PKIB: variants seen among roughly 807,000 people sequenced by gnomAD.
PKIB encodes the protein cAMP-dependent protein kinase inhibitor beta, also known as PKI-beta.
PKIB carries 2 observed loss-of-function variants against 4.5 expected under a neutral mutation model. The ratio of observed to expected loss-of-function variants is 0.44; its 90% CI spans 0.18 to 1.39. The LOEUF (loss-of-function observed/expected upper bound fraction) is 1.39. PKIB is among the 40% of genes most tolerant of loss of function. PKIB has a pLI of 0.27. For synonymous variants in PKIB, 38 were observed against 36.0 expected, an observed-to-expected ratio of 1.06 and a Z score of -0.20; for missense variants, 94 against 92.6, an observed-to-expected ratio of 1.02 and a Z score of -0.06.
chr6:122,572,533 CAA>C (rs1257428970), intron 2 of PKIB, among the ~76,000 whole-genome samples: 1 of 147,068 alleles, frequency 6.8e-6, no homozygotes, highest in Non-Finnish European at 1.5e-5. Context: ...TCTGAAACAG[CAA>C]AAATAGACAA....
intron 2 of PKIB, among the ~76,000 whole-genome samples, chr6:122,661,269 A>G (rs1431435423): frequency 6.6e-6 from 1 of 152,156 alleles, no homozygotes; most frequent in African/African-American, 2.4e-5. Flanking sequence ...ATATTCACGC[A>G]CTGTCATGTC....
chr6:122,506,998 G>C (rs1415291602), intron 2 of PKIB, among the ~76,000 whole-genome samples: 2 of 152,060 alleles, frequency 1.3e-5, no homozygotes, highest in African/African-American at 4.8e-5. Context: ...ACCGCGCCCG[G>C]CCGTAATTTT....
intron 1 of PKIB, among the ~76,000 whole-genome samples, chr6:122,632,953 T>C (rs1167437217): frequency 1.3e-5 from 2 of 152,232 alleles, no homozygotes; most frequent in Admixed American, 1.3e-4. Flanking sequence ...TACACAGTTT[T>C]AGAGCAAAAC....
intron 1 of PKIB, among the ~76,000 whole-genome samples, chr6:122,622,820 T>C (rs1775294211): frequency 6.7e-6 from 1 of 149,480 alleles, no homozygotes; most frequent in East Asian, 1.9e-4. Context: ...AGATAACTTA[T>C]GTTCTCTGAA....
intron 1 of PKIB, among the ~76,000 whole-genome samples, chr6:122,476,306 T>C (rs1330705177): frequency 6.6e-6 from 1 of 152,162 alleles, no homozygotes; most frequent in Non-Finnish European, 1.5e-5. Flanking sequence ...AAGCCAAAAA[T>C]AGATTAGGAC....
At chr6:122,550,185 G>C (rs1291347130) in intron 2 of PKIB, among the ~76,000 whole-genome samples, 1 of 152,062 alleles carries the variant, frequency 6.6e-6, no homozygotes, top group Non-Finnish European at 1.5e-5. Context: ...AGAGTGCTAG[G>C]ATTACAGACG....
At chr6:122,642,626 T>A (rs1562282094) in intron 2 of PKIB, among the ~76,000 whole-genome samples, 1 of 152,208 alleles carries the variant, frequency 6.6e-6, no homozygotes, top group Non-Finnish European at 1.5e-5. Context: ...AAATAAGGTG[T>A]CACTGGTGAT....
At chr6:122,596,025 G>C (rs1473990269) in intron 3 of PKIB, among the ~76,000 whole-genome samples, 3 of 152,096 alleles carry the variant, frequency 2.0e-5, no homozygotes, top group Non-Finnish European at 4.4e-5. Flanking sequence ...TTCCAATCAC[G>C]CTTCTTTCAA....
chr6:122,637,425 ATTTTTGTG>A (rs1267441554), intron 2 of PKIB, among the ~76,000 whole-genome samples: 1 of 152,170 alleles, frequency 6.6e-6, no homozygotes, highest in Middle Eastern at 3.2e-3. Context: ...CATCACAGAA[ATTTTTGTG>A]TGAAGAATAC....
intron 2 of PKIB, among the ~76,000 whole-genome samples, chr6:122,563,378 A>C (rs72962455): frequency 0.19 from 29,177 of 151,858 alleles, 3,009 homozygotes; most frequent in African/African-American, 0.25. Context: ...CAGGGGGTGC[A>C]ATGGACTCCA....
intron 3 of PKIB, among the ~76,000 whole-genome samples, chr6:122,589,353 T>C (rs903938674): frequency 2.6e-5 from 4 of 152,096 alleles, no homozygotes; most frequent in Non-Finnish European, 2.9e-5. Context: ...GTACAACACA[T>C]AGCCATGTAA....
chr6:122,489,975 C>T (rs1308524287), intron 2 of PKIB, among the ~76,000 whole-genome samples: 1 of 152,180 alleles, frequency 6.6e-6, no homozygotes, highest in Non-Finnish European at 1.5e-5. Context: ...ACTGCCCTTT[C>T]TGTGTATACA....
At chr6:122,690,933 T>TATATATA (rs397788048) in intron 3 of PKIB, among the ~76,000 whole-genome samples, 65 of 112,448 alleles carry the variant, frequency 5.8e-4, no homozygotes, top group African/African-American at 2.0e-3. Context: ...TATATATATA[T>TATATATA]TTTTTTTTTT....
chr6:122,705,436 A>G (rs1295395146), intron 3 of PKIB, among the ~76,000 whole-genome samples: 2 of 152,132 alleles, frequency 1.3e-5, no homozygotes, highest in East Asian at 1.9e-4. Context: ...CTCAGTCTGT[A>G]GCATTTTCAT....
chr6:122,595,196 G>C (rs1562263530), intron 3 of PKIB, among the ~76,000 whole-genome samples: 1 of 152,150 alleles, frequency 6.6e-6, no homozygotes, highest in African/African-American at 2.4e-5. Flanking sequence ...GGCTATGGGA[G>C]GAAACAATAC....
At chr6:122,621,542 T>TCTTGAAA (rs1775228654) in intron 1 of PKIB, among the ~76,000 whole-genome samples, 2 of 152,330 alleles carry the variant, frequency 1.3e-5, no homozygotes, top group South Asian at 4.1e-4. Context: ...GTAGAGGTGA[T>TCTTGAAA]GCTATTGTTA....
chr6:122,689,593 T>G (rs1005227247), intron 3 of PKIB, among the ~76,000 whole-genome samples: 2 of 152,216 alleles, frequency 1.3e-5, no homozygotes, highest in African/African-American at 4.8e-5. Flanking sequence ...GATTTCTAGT[T>G]TTATTCCATG....
chr6:122,717,757 ATCT>A (rs1173002933), intron 3 of PKIB, 27 bp from the exon 4 acceptor site: 18 of 1,608,544 alleles, frequency 1.1e-5, no homozygotes, highest in East Asian at 6.7e-5. Flanking sequence ...GAATAGGCTC[ATCT>A]TCTTCATATG....
At chr6:122,522,991 A>G (rs1776990056) in intron 2 of PKIB, among the ~76,000 whole-genome samples, 1 of 152,140 alleles carries the variant, frequency 6.6e-6, no homozygotes, top group Non-Finnish European at 1.5e-5. Flanking sequence ...TGTTTTGACT[A>G]AGGGCTCTGG....
Sources: allele counts gnomAD v4.1 joint callset (sites outside exome capture counted in the v4.1 genomes callset), GRCh38; gene constraint gnomAD v4.1.1; transcripts MANE v1.5; gene names NCBI Gene and HGNC (gene_info 2026-07-23, HGNC 2026-07-21).